BMP6: variants seen among roughly 807,000 people sequenced by gnomAD.
BMP6 encodes bone morphogenetic protein 6.
A neutral mutation model predicts 54.1 loss-of-function variants in BMP6; 17 were observed. That is an observed-to-expected ratio of 0.31 (90% confidence interval 0.22 to 0.47). The LOEUF (loss-of-function observed/expected upper bound fraction) is 0.47, where lower values mean the gene tolerates loss of function less well. Among genes scored for constraint, BMP6 ranks in the 20% least tolerant of loss-of-function variants. The pLI is 1.00. For synonymous variants in BMP6, 328 were observed against 291.2 expected (o/e 1.13, Z -1.28); for missense variants, 720 against 690.4 (o/e 1.04, Z -0.48).
intron 4 of BMP6, among the ~76,000 whole-genome samples, chr6:7,865,538 G>A (rs1412037183): frequency 6.6e-6 from 1 of 152,116 alleles, no homozygotes; most frequent in East Asian, 1.9e-4. Context: ...TAATGGGAGT[G>A]GACATGCTGA....
chr6:7,759,488 C>G (rs879476800), intron 1 of BMP6, among the ~76,000 whole-genome samples: 2 of 152,110 alleles, frequency 1.3e-5, no homozygotes, highest in African/African-American at 2.4e-5. Flanking sequence ...ACCTTCGATT[C>G]ACTTAACCTT....
At chr6:7,789,957 C>G (rs745389294) in intron 1 of BMP6, among the ~76,000 whole-genome samples, 3 of 152,070 alleles carry the variant, frequency 2.0e-5, no homozygotes, top group Non-Finnish European at 2.9e-5. Context: ...CCAACTCAGC[C>G]TGATATAACT....
chr6:7,748,465 C>CT (rs2113126000), intron 1 of BMP6, among the ~76,000 whole-genome samples: 1 of 152,330 alleles, frequency 6.6e-6, no homozygotes, highest in African/African-American at 2.4e-5. Flanking sequence ...TTAGGCAGTG[C>CT]TTACTGGGTT....
chr6:7,880,279 A>T lies in BMP6; in HGVS notation c.1478A>T (p.Asp493Val). ...LNAISVLYFD[D>V]NSNVILKKYR... The stretch of plus-strand genomic sequence containing the variant: ...GCCATCTCGGTTCTTTACTTTGATG[A>T]CAACTCCAATGTCATTCTGAAAAAA... The change falls in exon 7 of 7, where the codon GAC becomes GTC. Residue 493 changes from aspartate (D) to valine (V), a missense_variant. This residue lies in a region of BMP6 where 43 missense variants were observed against 54.0 expected (regional missense o/e 0.80). Coordinates refer to ENST00000283147, the MANE Select transcript of BMP6 (RefSeq NM_001718.6). 6.2e-7 allele frequency: 1 copy of T among 1,614,122 alleles called. No individual in the cohort carries two copies. The highest frequency in any genetic ancestry group is 1.3e-5 in the African/African-American group (1 of 75,018).
In BMP6 at chr6:7,734,085, A is replaced by G. The variant is rs185979755; in HGVS notation, c.664+6466A>G. On this transcript the variant is annotated intron_variant, in intron 1 of 6. Coordinates refer to ENST00000283147, the MANE Select transcript of BMP6 (RefSeq NM_001718.6). The stretch of plus-strand genomic sequence containing the variant: ...TTTTGTTGTCTATACTTTTTTTCCA[A>G]TGTGAATATGTAGTATTTCAGCACC... Among the ~76,000 whole-genome samples the G allele has an allele frequency of 1.7e-4, 26 of 152,176 alleles. No homozygotes were observed. In the East Asian group the frequency reaches 2.5e-3, roughly 15 times the overall value.
chr6:7,838,086 A>T (rs1758902254), intron 1 of BMP6, among the ~76,000 whole-genome samples: 1 of 152,206 alleles, frequency 6.6e-6, no homozygotes, highest in African/African-American at 2.4e-5. Context: ...TTCCGTATCC[A>T]CAGTTTCGGT....
intron 1 of BMP6, among the ~76,000 whole-genome samples, chr6:7,740,492 T>C (rs1762026646): frequency 6.6e-6 from 1 of 152,222 alleles, no homozygotes; most frequent in Non-Finnish European, 1.5e-5. Flanking sequence ...CCTCAACTTT[T>C]AATCATTAGA....
At chr6:7,761,040 G>C (rs1757604980) in intron 1 of BMP6, among the ~76,000 whole-genome samples, 1 of 152,244 alleles carries the variant, frequency 6.6e-6, no homozygotes, top group African/African-American at 2.4e-5. Flanking sequence ...ACGAGGGTCA[G>C]TTTGGCCTTT....
intron 1 of BMP6, among the ~76,000 whole-genome samples, chr6:7,740,892 C>T (rs561076381): frequency 1.3e-5 from 2 of 152,210 alleles, no homozygotes; most frequent in Non-Finnish European, 2.9e-5. Flanking sequence ...ACTGGTCTCT[C>T]TGCTGTGAAT....
chr6:7,878,691 C>A (rs1001930503), intron 4 of BMP6, among the ~76,000 whole-genome samples: 1 of 152,194 alleles, frequency 6.6e-6, no homozygotes, highest in African/African-American at 2.4e-5. Flanking sequence ...TGGACTGCAG[C>A]AAATCCTGCC....
rs1009526839 is a variant in BMP6 at position 7,727,051 on chromosome 6, C to G, written c.96C>G (p.Pro32=). ...CGPPPLRPPL[P]AAAAAAAGGQ... is the part of the protein sequence containing the mutation. ...CCCCGCCGCTGCGGCCGCCCTTGCC[C>G]GCTGCCGCGGCCGCCGCCGCCGGGG... The change falls in exon 1 of 7, where the codon CCC becomes CCG. Residue 32 remains proline, a synonymous_variant. Transcript: ENST00000283147. 2.5e-6 allele frequency: 3 copies of G among 1,177,984 alleles called. No individual in the cohort carries two copies. The highest frequency in any genetic ancestry group is 4.7e-5 in the Admixed American group (1 of 21,222). 73.0% of individuals were successfully genotyped at this position (1,177,984 alleles called of 1,614,324 possible).
chr6:7,851,655 G>A (rs1759144063), intron 2 of BMP6, among the ~76,000 whole-genome samples: 1 of 151,958 alleles, frequency 6.6e-6, no homozygotes, highest in South Asian at 2.1e-4. Context: ...TAAATCTCAG[G>A]TAAAGATTTA....
chr6:7,760,145 T>A (rs1757592019), intron 1 of BMP6, among the ~76,000 whole-genome samples: 1 of 148,732 alleles, frequency 6.7e-6, no homozygotes, highest in Admixed American at 6.8e-5. Flanking sequence ...TACTGCAGCC[T>A]CGAACTCCTG....
At chr6:7,768,604 A>G (rs1757728763) in intron 1 of BMP6, among the ~76,000 whole-genome samples, 1 of 152,064 alleles carries the variant, frequency 6.6e-6, no homozygotes, top group Non-Finnish European at 1.5e-5. Flanking sequence ...ATATGTGTTC[A>G]CCATTCTTAT....
chr6:7,837,250 T>C (rs1297842498), intron 1 of BMP6, among the ~76,000 whole-genome samples: 1 of 152,232 alleles, frequency 6.6e-6, no homozygotes, highest in African/African-American at 2.4e-5. Context: ...GCAGTGTCTT[T>C]GTTTTTCTCT....
intron 1 of BMP6, among the ~76,000 whole-genome samples, chr6:7,789,245 A>T (rs945605022): frequency 1.3e-5 from 2 of 152,184 alleles, no homozygotes; most frequent in Non-Finnish European, 2.9e-5. Context: ...GGAAACGAGA[A>T]CTGAATGAGC....
intron 1 of BMP6, among the ~76,000 whole-genome samples, chr6:7,740,088 C>A (rs967556333): frequency 6.6e-6 from 1 of 152,156 alleles, no homozygotes; most frequent in African/African-American, 2.4e-5. Context: ...AGGTCACACC[C>A]AGTTGCAGGA....
chr6:7,770,625 C>T lies in BMP6; in HGVS notation c.664+43006C>T, dbSNP rs983282534. Among the ~76,000 whole-genome samples, 6 of 152,212 alleles carry T rather than the reference C, an allele frequency of 3.9e-5. No homozygotes were observed. In the East Asian group the frequency reaches 5.8e-4, roughly 15 times the overall value. ...TTGATTTTATGGTATTACCCACACCCGGCCCTAAAAGCGCTCCTTGTTTTC... is the reference window on the plus strand; with the variant it reads ...TTGATTTTATGGTATTACCCACACCTGGCCCTAAAAGCGCTCCTTGTTTTC... On this transcript the variant is annotated intron_variant, in intron 1 of 6. Coordinates refer to ENST00000283147, the MANE Select transcript of BMP6 (RefSeq NM_001718.6).
rs760089950 is a variant in BMP6 at position 7,862,297 on chromosome 6, A to G, written c.1007-4A>G. On this transcript the variant is annotated splice_region_variant and splice_polypyrimidine_tract_variant and intron_variant, in intron 3 of 6. Transcript: ENST00000283147. ...AGAGATGCATGCTTTGATTTGCATT[A>G]AAGGAGTCCACGTCCACCCCCGAGC... The G allele has an allele frequency of 2.7e-5, 43 of 1,614,122 alleles. No individual in the cohort carries two copies. The highest frequency in any genetic ancestry group is 3.6e-5 in the Non-Finnish European group (42 of 1,180,008).
Sources: gnomAD v4.1 joint callset for allele counts (sites outside exome capture counted in the v4.1 genomes callset) on GRCh38, gnomAD v4.1.1 for gene constraint, gnomAD v4.1.1 regional missense constraint, MANE v1.5 for transcripts, NCBI Gene and HGNC (gene_info 2026-07-23, HGNC 2026-07-21) for gene names.